Variants in TBL1XR1 observed in about 807,000 individuals in gnomAD.
The protein encoded by TBL1XR1 is F-box-like/WD repeat-containing protein TBL1XR1.
In TBL1XR1, 5 loss-of-function variants were observed where a neutral mutation model predicts 66.9. The ratio of observed to expected loss-of-function variants is 0.07; its 90% CI spans 0.04 to 0.16. The LOEUF is 0.16. Ranked by LOEUF, TBL1XR1 falls within the 10% of genes least tolerant of loss-of-function variation. The pLI is 1.00. For synonymous variants in TBL1XR1, 210 were observed against 206.0 expected, an observed-to-expected ratio of 1.02 and a Z score of -0.17; for missense variants, 238 against 623.2, an observed-to-expected ratio of 0.38 and a Z score of 6.58.
chr3:177,046,175 C>A lies in TBL1XR1; in HGVS notation c.879G>T (p.Trp293Cys). Residue 293 changes from tryptophan to cysteine, a missense_variant, in exon 10 of 16, where the codon TGG (tryptophan) becomes TGT (cysteine). Transcript: ENST00000457928. ...SAGVDKTTII[W>C]DAHTGEAKQQ... ...GCTTGGCTTCACCAGTATGTGCGTC[C>A]CAAATAATTGTAGTCTGAGATTAAA... 6.5e-7 allele frequency: 1 copy of A among 1,535,042 alleles called. No individual in the cohort carries two copies. The highest frequency in any genetic ancestry group is 1.3e-5 in the South Asian group (1 of 79,132).
intron 1 of TBL1XR1, among the ~76,000 whole-genome samples, chr3:177,130,116 G>A (rs1282264204): frequency 7.1e-6 from 1 of 140,554 alleles, no homozygotes; most frequent in Non-Finnish European, 1.5e-5. Flanking sequence ...CTGCACTCCA[G>A]CCTGGGCGAC....
At chr3:177,099,963 C>G (rs948378505) in intron 1 of TBL1XR1, among the ~76,000 whole-genome samples, 1 of 152,220 alleles carries the variant, frequency 6.6e-6, no homozygotes, top group Admixed American at 6.5e-5. Context: ...TACAAGAAGT[C>G]AGGCACAGAG....
chr3:177,044,602 T>A (rs1207161384), intron 10 of TBL1XR1, among the ~76,000 whole-genome samples: 1 of 152,184 alleles, frequency 6.6e-6, no homozygotes, highest in Non-Finnish European at 1.5e-5. Flanking sequence ...CAATGGTGTA[T>A]ACATATGTCA....
intron 2 of TBL1XR1, among the ~76,000 whole-genome samples, chr3:177,097,619 CTT>C (rs879807812): frequency 3.3e-5 from 5 of 152,108 alleles, no homozygotes; most frequent in African/African-American, 1.2e-4. Flanking sequence ...TCTTAAAAAT[CTT>C]TTTAAGTAGA....
intron 14 of TBL1XR1, among the ~76,000 whole-genome samples, chr3:177,030,311 T>C (rs977359146): frequency 2.0e-5 from 3 of 151,644 alleles, no homozygotes; most frequent in Non-Finnish European, 4.4e-5. Flanking sequence ...ATGAATATAT[T>C]AATATATTCA....
At chr3:177,183,569 G>A (rs1735071750) in intron 1 of TBL1XR1, among the ~76,000 whole-genome samples, 2 of 151,958 alleles carry the variant, frequency 1.3e-5, no homozygotes, top group African/African-American at 4.8e-5. Context: ...GGAGTGCAGT[G>A]GTGCGATTTT....
chr3:177,060,475 T>G (rs577427458), intron 3 of TBL1XR1, among the ~76,000 whole-genome samples: 38 of 152,288 alleles, frequency 2.5e-4, no homozygotes, highest in East Asian at 5.8e-4. Context: ...ACAATATAAA[T>G]GGAGAAGTTA....
intron 1 of TBL1XR1, among the ~76,000 whole-genome samples, chr3:177,172,662 AG>A: frequency 1.9e-5 from 2 of 105,942 alleles, no homozygotes; most frequent in African/African-American, 7.4e-5. Context: ...AGAGAGAGAG[AG>A]AAGGGAGGGG....
chr3:177,197,940 T>A (rs1737133112), upstream of TBL1XR1, among the ~76,000 whole-genome samples: 1 of 147,860 alleles, frequency 6.8e-6, no homozygotes, highest in Non-Finnish European at 1.5e-5. Flanking sequence ...GCCCGCGCGG[T>A]GGCCGGGGTG....
chr3:177,159,441 TATAGA>T (rs1731904989), intron 1 of TBL1XR1, among the ~76,000 whole-genome samples: 1 of 152,152 alleles, frequency 6.6e-6, no homozygotes, highest in Non-Finnish European at 1.5e-5. Flanking sequence ...AAAGAAATAC[TATAGA>T]AAAGTCAATA....
intron 1 of TBL1XR1, among the ~76,000 whole-genome samples, chr3:177,166,105 G>A (rs553580518): frequency 6.6e-6 from 1 of 152,112 alleles, no homozygotes; most frequent in South Asian, 2.1e-4. Flanking sequence ...ATGGATCATA[G>A]GCCAGGCACA....
At chr3:177,187,512 T>C (rs140830323) in intron 1 of TBL1XR1, among the ~76,000 whole-genome samples, 459 of 152,246 alleles carry the variant, frequency 3.0e-3, no homozygotes, top group African/African-American at 0.01. Context: ...ATCATCTTAA[T>C]AGACATTTAT....
At chr3:177,142,189 A>G (rs1729714239) in intron 1 of TBL1XR1, among the ~76,000 whole-genome samples, 1 of 152,202 alleles carries the variant, frequency 6.6e-6, no homozygotes, top group Non-Finnish European at 1.5e-5. Flanking sequence ...CACCCAGGAA[A>G]GAATTCAGGG....
At chr3:177,040,978 G>C (rs573214285) in intron 10 of TBL1XR1, 2 of 152,152 alleles carry the variant, frequency 1.3e-5, no homozygotes, top group African/African-American at 4.8e-5. Context: ...TTTTAACAAA[G>C]TGCCATATAA....
chr3:177,032,952 T>C lies in TBL1XR1; in HGVS notation c.1416+19A>G, dbSNP rs749343046. On this transcript the variant is annotated intron_variant, in intron 14 of 15. Transcript: ENST00000457928. The stretch of plus-strand genomic sequence containing the variant: ...CCTAAATTTAAGAGCACTTGACCAT[T>C]TAAATAATGAAGACATACCTGCGTG... 13 of 1,516,840 alleles carry C rather than the reference T, an allele frequency of 8.6e-6. No individual in the cohort carries two copies. Among genetic ancestry groups the C allele is most frequent in the Non-Finnish European group, 1.1e-5 (12 of 1,124,364 alleles). 94.0% of individuals were successfully genotyped at this position (1,516,840 alleles called of 1,614,324 possible). A position where few individuals can be genotyped will look rare whatever the true frequency, so the allele number is the denominator to read the frequency against.
At chr3:177,120,329 T>TA (rs1726838334) in intron 1 of TBL1XR1, among the ~76,000 whole-genome samples, 1 of 152,236 alleles carries the variant, frequency 6.6e-6, no homozygotes, top group African/African-American at 2.4e-5. Context: ...AGGATGTTTC[T>TA]AAAGAATGCT....
chr3:177,077,090 A>C (rs554918230), intron 2 of TBL1XR1, among the ~76,000 whole-genome samples: 1 of 152,358 alleles, frequency 6.6e-6, no homozygotes, highest in Non-Finnish European at 1.5e-5. Context: ...ATCTACATAC[A>C]AAATGAATGA....
At chr3:177,061,924 G>A (rs1229760235) in intron 3 of TBL1XR1, among the ~76,000 whole-genome samples, 1 of 152,070 alleles carries the variant, frequency 6.6e-6, no homozygotes, top group African/African-American at 2.4e-5. Context: ...AAAAAGCTTT[G>A]GAATAAGTGG....
At chr3:177,117,198 A>C (rs1485710788) in intron 1 of TBL1XR1, among the ~76,000 whole-genome samples, 2 of 152,204 alleles carry the variant, frequency 1.3e-5, no homozygotes, top group Non-Finnish European at 2.9e-5. Context: ...TGGGTACTGG[A>C]TTAATCAAAT....
Sources: allele counts gnomAD v4.1 joint callset (sites outside exome capture counted in the v4.1 genomes callset), GRCh38; gene constraint gnomAD v4.1.1; transcripts MANE v1.5; gene names NCBI Gene and HGNC (gene_info 2026-07-23, HGNC 2026-07-21).